FLVCR1: variants seen among roughly 807,000 people sequenced by gnomAD.
The protein encoded by FLVCR1 is choline/ethanolamine transporter FLVCR1.
A neutral mutation model predicts 53.6 loss-of-function variants in FLVCR1; 34 were observed. That is an observed-to-expected ratio of 0.63 (90% CI 0.48 to 0.84). The LOEUF (loss-of-function observed/expected upper bound fraction) is 0.84, where lower values mean the gene tolerates loss of function less well. Ranked by LOEUF, FLVCR1 falls within the 40% of genes least tolerant of loss-of-function variation. The pLI is 0.00. For missense variants in FLVCR1, 677 were observed against 696.7 expected, an observed-to-expected ratio of 0.97 and a Z score of 0.32; for synonymous variants, 300 against 286.3, an observed-to-expected ratio of 1.05 and a Z score of -0.48.
At chr1:212,884,690 G>A (rs1665015290) in intron 4 of FLVCR1, among the ~76,000 whole-genome samples, 1 of 152,150 alleles carries the variant, frequency 6.6e-6, no homozygotes, top group African/African-American at 2.4e-5. Flanking sequence ...AATACCTTCT[G>A]AGAAATTCGC....
rs376463065 is a variant in FLVCR1 at position 212,878,888 on chromosome 1, C to G, written c.1025-4483C>G. 3.3e-5 allele frequency among the ~76,000 whole-genome samples: 5 copies of G among 152,022 alleles called. No homozygotes were observed. The East Asian group carries it at 9.7e-4, about 29-fold the overall frequency. On this transcript the variant is annotated intron_variant, in intron 3 of 9. Transcript: ENST00000366971. ...CCTGTAGTCCCAGCTAGTTGTGGGGCTGAGATAGGAGGATTGCTTGAGCCC... is the reference window on the plus strand; with the variant it reads ...CCTGTAGTCCCAGCTAGTTGTGGGGGTGAGATAGGAGGATTGCTTGAGCCC...
At chr1:212,874,692 C>T (rs541732960) in intron 3 of FLVCR1, among the ~76,000 whole-genome samples, 16 of 151,724 alleles carry the variant, frequency 1.1e-4, no homozygotes, top group African/African-American at 3.9e-4. Context: ...CCACGCCCAG[C>T]TAATTTTTGT....
chr1:212,879,995 T>C (rs570208709), intron 3 of FLVCR1, among the ~76,000 whole-genome samples: 1 of 151,954 alleles, frequency 6.6e-6, no homozygotes, highest in Non-Finnish European at 1.5e-5. Flanking sequence ...TTGGCTGTTA[T>C]AATTCTTCAT....
intron 3 of FLVCR1, among the ~76,000 whole-genome samples, chr1:212,881,653 G>T (rs947429273): frequency 6.6e-6 from 1 of 151,884 alleles, no homozygotes; most frequent in South Asian, 2.1e-4. Context: ...GAGCCACTGC[G>T]CCCAGCCAAG....
intron 8 of FLVCR1, among the ~76,000 whole-genome samples, chr1:212,893,777 TTTG>T (rs1354840857): frequency 6.6e-6 from 1 of 152,078 alleles, no homozygotes; most frequent in African/African-American, 2.4e-5. Context: ...TGTTTTTTGT[TTTG>T]TTTTGTTTTT....
At chr1:212,871,539 C>T (rs41296724) in intron 2 of FLVCR1, among the ~76,000 whole-genome samples, 192 of 152,158 alleles carry the variant, frequency 1.3e-3, no homozygotes, top group Middle Eastern at 3.4e-3. Context: ...GCTTCAGCCT[C>T]GCAAGTAGCT....
At chr1:212,873,310 C>CAA (rs66596141) in intron 3 of FLVCR1, among the ~76,000 whole-genome samples, 3,402 of 143,996 alleles carry the variant, frequency 0.024, 59 homozygotes, top group Middle Eastern at 0.039. Context: ...GAGACTATCT[C>CAA]AAAAAAAAAA....
chr1:212,858,789 A>C lies in FLVCR1; in HGVS notation c.337A>C (p.Ile113Leu). Residue 113 changes from isoleucine (I) to leucine (L), a missense_variant, in exon 1 of 10, where the codon ATC becomes CTC. Coordinates refer to ENST00000366971, the MANE Select transcript of FLVCR1 (RefSeq NM_014053.4). Reference sequence around the variant, plus strand: ...CCCGCGGCGCTTCGTGGTGCTCCTGATCTTCAGCCTGTACTCGCTGGTCAA... The same window carrying C: ...CCCGCGGCGCTTCGTGGTGCTCCTGCTCTTCAGCCTGTACTCGCTGGTCAA... ...LSPRRFVVLL[I>L]FSLYSLVNAF... The C allele has an allele frequency of 6.2e-7, 1 of 1,614,112 alleles. No homozygotes were observed. Among genetic ancestry groups the C allele is most frequent in the Non-Finnish European group, 8.5e-7 (1 of 1,180,010 alleles).
chr1:212,872,618 A>G (rs1341759908), intron 2 of FLVCR1, 60 bp from the exon 3 acceptor site: 3 of 1,087,416 alleles, frequency 2.8e-6, no homozygotes, highest in Admixed American at 2.0e-5. Context: ...ATATTGTAAT[A>G]TATAACAACA....
At chr1:212,876,023 A>T (rs1203595049) in intron 3 of FLVCR1, among the ~76,000 whole-genome samples, 1 of 151,346 alleles carries the variant, frequency 6.6e-6, no homozygotes, top group African/African-American at 2.4e-5. Context: ...AGTAGCTGAG[A>T]CTACAGGTGT....
At chr1:212,893,633 A>G (rs1420777640) in intron 8 of FLVCR1, among the ~76,000 whole-genome samples, 2 of 152,272 alleles carry the variant, frequency 1.3e-5, no homozygotes, top group African/African-American at 4.8e-5. Flanking sequence ...AGAAATTGCC[A>G]CAGCCGCTCC....
intron 5 of FLVCR1, among the ~76,000 whole-genome samples, chr1:212,887,255 C>A (rs1665085728): frequency 6.6e-6 from 1 of 152,136 alleles, no homozygotes; most frequent in African/African-American, 2.4e-5. Context: ...TTTCTTAAGT[C>A]TTTCATCCGT....
Position 212,858,702 on chromosome 1 carries a change from G to A in FLVCR1, c.250G>A (p.Ala84Thr). 1.9e-6 allele frequency: 3 copies of A among 1,592,182 alleles called. No homozygotes were observed. The highest frequency in any genetic ancestry group is 2.6e-6 in the Non-Finnish European group (3 of 1,171,442). Residue 84 changes from alanine to threonine, a missense_variant, in exon 1 of 10, where the codon GCG becomes ACG. Ala to Thr is a moderately conservative substitution (Grantham distance 58). Coordinates refer to ENST00000366971, the MANE Select transcript of FLVCR1 (RefSeq NM_014053.4). ...GGAGACCCAGGCCCGGCTGCTGCCT[G>A]CGGGCGCGGGAGCTGAGACCCCGGG... ...EEETQARLLP[A>T]GAGAETPGAE...
At chr1:212,881,483 C>T (rs750416483) in intron 3 of FLVCR1, among the ~76,000 whole-genome samples, 15 of 152,010 alleles carry the variant, frequency 9.9e-5, no homozygotes, top group African/African-American at 3.1e-4. Flanking sequence ...GGACTACAGG[C>T]GCACACCACT....
intron 3 of FLVCR1, among the ~76,000 whole-genome samples, chr1:212,879,488 AGT>A (rs1664864496): frequency 6.6e-6 from 1 of 152,154 alleles, no homozygotes; most frequent in Non-Finnish European, 1.5e-5. Flanking sequence ...TCATATATGC[AGT>A]GTCCCAAACT....
At chr1:212,874,850 T>TCC (rs1558114067) in intron 3 of FLVCR1, among the ~76,000 whole-genome samples, 12 of 151,760 alleles carry the variant, frequency 7.9e-5, no homozygotes, top group African/African-American at 2.9e-4. Flanking sequence ...ATCACTCTTT[T>TCC]ATCACTCACT....
At position 212,863,848 on chromosome 1, in the gene FLVCR1, T is replaced by A; in HGVS notation, c.862T>A (p.Leu288Ile). ...TGGAACATCAGCTGTTGCCACACTTTTATTTATTTTAACAGCAATTGGTAA... is the reference window on the plus strand; with the variant it reads ...TGGAACATCAGCTGTTGCCACACTTATATTTATTTTAACAGCAATTGGTAA... The part of the protein sequence containing the change: ...FYGTSAVATL[L>I]FILTAIAFKE... The change falls in exon 2 of 10, where the codon TTA (leucine) becomes ATA (isoleucine). Residue 288 changes from leucine (L) to isoleucine (I), a missense_variant. Leu to Ile is a conservative substitution (Grantham distance 5, BLOSUM62 2). Coordinates refer to ENST00000366971, the MANE Select transcript of FLVCR1 (RefSeq NM_014053.4). 6.2e-7 allele frequency: 1 copy of A among 1,613,726 alleles called. No individual in the cohort carries two copies. The highest frequency in any genetic ancestry group is 8.5e-7 in the Non-Finnish European group (1 of 1,179,598).
At chr1:212,869,417 A>C (rs866277652) in intron 2 of FLVCR1, among the ~76,000 whole-genome samples, 1 of 152,234 alleles carries the variant, frequency 6.6e-6, no homozygotes, top group Admixed American at 6.5e-5. Flanking sequence ...CGACTTTCCT[A>C]CAACATGTAG....
rs1553265715 is a variant in FLVCR1, at chr1:212,888,692, T to TGTTG, written c.1413+98_1413+99insGTTG. On this transcript the variant is annotated intron_variant, in intron 7 of 9. Transcript: ENST00000366971. ...TGGTTTTATTTGTTGTTGTTGTTGT[T>TGTTG]TTGTTTTTTGGAGACAGAGTCTTGC... is the stretch of plus-strand genomic sequence containing the variant. 863 of 1,003,614 alleles carry TGTTG rather than the reference T, an allele frequency of 8.6e-4. 12 individuals are homozygous for TGTTG. The highest frequency in any genetic ancestry group is 6.5e-4 in the Admixed American group (35 of 53,796). The allele number at this position is 1,003,614 out of a possible 1,614,324, so 62.2% of individuals were successfully genotyped here.
Sources: gnomAD v4.1 joint callset for allele counts (sites outside exome capture counted in the v4.1 genomes callset) on GRCh38, gnomAD v4.1.1 for gene constraint, MANE v1.5 for transcripts, NCBI Gene and HGNC (gene_info 2026-07-23, HGNC 2026-07-21) for gene names.